Variants in RPS6KA2 observed in about 807,000 individuals in gnomAD.
RPS6KA2 encodes ribosomal protein S6 kinase A2, also known as ribosomal protein S6 kinase alpha-2.
RPS6KA2 carries 42 observed loss-of-function variants against 91.8 expected under a neutral mutation model. That is an observed-to-expected ratio of 0.46 (90% CI 0.36 to 0.59). The LOEUF is 0.59. RPS6KA2 is among the 20% of genes least tolerant of loss of function. The probability of loss-of-function intolerance (pLI) is 0.00; values close to 1 mark genes in which losing one functional copy is unlikely to be tolerated. For synonymous variants in RPS6KA2, 414 were observed against 393.6 expected (o/e 1.05, Z -0.61); for missense variants, 798 against 978.5 (o/e 0.82, Z 2.46).
intron 2 of RPS6KA2, among the ~76,000 whole-genome samples, chr6:166,797,010 T>C (rs947402124): frequency 2.0e-5 from 3 of 152,260 alleles, no homozygotes; most frequent in Non-Finnish European, 4.4e-5. Flanking sequence ...TCCAGGGCAT[T>C]TGAGAGCAGT....
At position 166,726,909 on chromosome 6, in the gene RPS6KA2, T is replaced by G. The variant is rs1031077609; in HGVS notation, c.123+131291A>C. On this transcript the variant is annotated intron_variant, in intron 2 of 21. Transcript: ENST00000503859. The surrounding 1 kb of genome is among the most constrained non-coding windows in gnomAD (Gnocchi z 4.4). ...ATCTACCGTCCTGGGTGCTGTCTCCTCCACCACGTAAGCCAAACCTGATTT... is the reference window on the plus strand; with the variant it reads ...ATCTACCGTCCTGGGTGCTGTCTCCGCCACCACGTAAGCCAAACCTGATTT... 3.9e-5 allele frequency among the ~76,000 whole-genome samples: 6 copies of G among 152,176 alleles called. No individual in the cohort carries two copies. The highest frequency in any genetic ancestry group is 1.4e-4 in the African/African-American group (6 of 41,432).
chr6:166,743,839 C>T (rs2128593828), intron 2 of RPS6KA2, among the ~76,000 whole-genome samples: 1 of 152,158 alleles, frequency 6.6e-6, no homozygotes, highest in Middle Eastern at 3.4e-3. Flanking sequence ...GCACGGCAGA[C>T]AGGGCTTTGG....
At chr6:166,672,780 CTG>C (rs1225214132) in intron 2 of RPS6KA2, among the ~76,000 whole-genome samples, 3 of 152,232 alleles carry the variant, frequency 2.0e-5, no homozygotes, top group Non-Finnish European at 4.4e-5. Context: ...CCTGCTGCTT[CTG>C]TGTGTAGTGG....
intron 1 of RPS6KA2, among the ~76,000 whole-genome samples, chr6:166,571,002 G>C (rs1784668952): frequency 6.6e-6 from 1 of 152,180 alleles, no homozygotes; most frequent in South Asian, 2.1e-4. Context: ...GAATAGCATA[G>C]GAATTCTGGG....
chr6:166,732,497 C>T lies in RPS6KA2; in HGVS notation c.123+125703G>A, dbSNP rs1163107924. On this transcript the variant is annotated intron_variant, in intron 2 of 21. Transcript: ENST00000503859. The surrounding 1 kb of genome is among the most constrained non-coding windows in gnomAD (Gnocchi z 4.0). ...CTACAAACATCCTGGGACAGTGAACCGGGAATCACTGAACCTTATCACATG... is the reference window on the plus strand; with the variant it reads ...CTACAAACATCCTGGGACAGTGAACTGGGAATCACTGAACCTTATCACATG... Among the ~76,000 whole-genome samples the T allele has an allele frequency of 2.0e-5, 3 of 152,142 alleles. No homozygotes were observed. Among genetic ancestry groups the T allele is most frequent in the Admixed American group, 6.5e-5 (1 of 15,280 alleles).
At chr6:166,447,863 G>T (rs1475297590) in intron 14 of RPS6KA2, among the ~76,000 whole-genome samples, 2 of 152,216 alleles carry the variant, frequency 1.3e-5, no homozygotes, top group Non-Finnish European at 2.9e-5. Flanking sequence ...CTGGGACCTC[G>T]CTCTGCGACA....
chr6:166,812,583 G>T (rs771864878), intron 2 of RPS6KA2, among the ~76,000 whole-genome samples: 3 of 152,160 alleles, frequency 2.0e-5, no homozygotes, highest in Non-Finnish European at 4.4e-5. Context: ...TCCACATGGG[G>T]TCTGTGTTGG....
chr6:166,806,629 A>G (rs1779499781), intron 2 of RPS6KA2, among the ~76,000 whole-genome samples: 1 of 152,242 alleles, frequency 6.6e-6, no homozygotes, highest in Non-Finnish European at 1.5e-5. Context: ...AAGAAATGTT[A>G]AAGGGAGTCC....
At chr6:166,645,223 T>C (rs1185942778) in intron 2 of RPS6KA2, among the ~76,000 whole-genome samples, 2 of 152,206 alleles carry the variant, frequency 1.3e-5, no homozygotes, top group African/African-American at 2.4e-5. Flanking sequence ...ACAAGATGCA[T>C]AATAGCATCT....
chr6:166,705,170 C>A (rs113982053), intron 2 of RPS6KA2, among the ~76,000 whole-genome samples: 86 of 152,352 alleles, frequency 5.6e-4, no homozygotes, highest in African/African-American at 1.9e-3. Context: ...CATGTCAATA[C>A]CTCTTGCAGG....
At position 166,612,259 on chromosome 6, in the gene RPS6KA2, G is replaced by A. The variant is rs544724123; in HGVS notation, c.99+14662C>T. On this transcript the variant is annotated intron_variant, in intron 1 of 20. Coordinates refer to ENST00000265678, the MANE Select transcript of RPS6KA2 (RefSeq NM_021135.6). This position sits in a 1 kb window ranked among gnomAD's most constrained non-coding sequence, Gnocchi z 4.3. Reference sequence around the variant, plus strand: ...GCTCAGGGGAGTCAAGCCCCTTGACGAGGTGTGTGATGTGGGCAGGTGTGA... The same window carrying A: ...GCTCAGGGGAGTCAAGCCCCTTGACAAGGTGTGTGATGTGGGCAGGTGTGA... Among the ~76,000 whole-genome samples, 5 of 152,238 alleles carry A rather than the reference G, an allele frequency of 3.3e-5. No individual in the cohort carries two copies. The South Asian group carries it at 1.0e-3, about 32-fold the overall frequency.
intron 1 of RPS6KA2, among the ~76,000 whole-genome samples, chr6:166,614,439 T>A (rs897157962): frequency 2.6e-5 from 4 of 152,194 alleles, no homozygotes; most frequent in Non-Finnish European, 5.9e-5. Flanking sequence ...GTGTTCACCT[T>A]CTGTGACCAG....
intron 2 of RPS6KA2, among the ~76,000 whole-genome samples, chr6:166,808,352 A>G (rs1391250889): frequency 6.6e-6 from 1 of 152,114 alleles, no homozygotes; most frequent in Non-Finnish European, 1.5e-5. Flanking sequence ...TCTCCAAGAA[A>G]TCTCCAGCAT....
chr6:166,532,929 T>TA (rs1425886563), intron 2 of RPS6KA2, among the ~76,000 whole-genome samples: 1 of 151,990 alleles, frequency 6.6e-6, no homozygotes, highest in Non-Finnish European at 1.5e-5. Context: ...GCATCACCCT[T>TA]ACGCACACTG....
chr6:166,838,782 C>T (rs1394747879), intron 2 of RPS6KA2, among the ~76,000 whole-genome samples: 4 of 137,692 alleles, frequency 2.9e-5, no homozygotes. Context: ...GTGATAAGCC[C>T]CAGGACCTGT....
At chr6:166,855,935 A>G (rs1313659810) in intron 2 of RPS6KA2, among the ~76,000 whole-genome samples, 1 of 152,252 alleles carries the variant, frequency 6.6e-6, no homozygotes, top group Non-Finnish European at 1.5e-5. Flanking sequence ...AGGAAACAGT[A>G]ATAATTTCCT....
Position 166,839,121 on chromosome 6 carries a change from C to T in RPS6KA2, c.123+19079G>A, listed in dbSNP as rs1583169264. Among the ~76,000 whole-genome samples the T allele has an allele frequency of 2.0e-5, 3 of 152,314 alleles. No individual in the cohort carries two copies. In the East Asian group the frequency reaches 5.8e-4, roughly 29 times the overall value. ...TAGACAACCAGTGTGTGTTGTTTTA[C>T]ACCACAACGTTTGTGGTGATTAGTT... is the stretch of plus-strand genomic sequence containing the variant. On this transcript the variant is annotated intron_variant, in intron 2 of 21. Coordinates refer to the RPS6KA2 transcript ENST00000503859.
In RPS6KA2 at chr6:166,421,715, A is replaced by G. The variant is rs570624523; in HGVS notation, c.1743+1541T>C. 2.8e-4 allele frequency among the ~76,000 whole-genome samples: 43 copies of G among 152,212 alleles called. 1 individual carries two copies. The highest frequency in any genetic ancestry group is 3.4e-3 in the Middle Eastern group (1 of 294). On this transcript the variant is annotated intron_variant, in intron 17 of 20. Coordinates refer to ENST00000265678, the MANE Select transcript of RPS6KA2 (RefSeq NM_021135.6). Reference sequence around the variant, plus strand: ...TCTGGGCATCTCGCATGCATAAATGAGAAGATGTGTGTTAATAAACTTCTT... The same window carrying G: ...TCTGGGCATCTCGCATGCATAAATGGGAAGATGTGTGTTAATAAACTTCTT...
At chr6:166,699,313 A>T (rs559618935) in intron 2 of RPS6KA2, among the ~76,000 whole-genome samples, 1 of 152,326 alleles carries the variant, frequency 6.6e-6, no homozygotes, top group South Asian at 2.1e-4. Flanking sequence ...GAGCCATCAG[A>T]TCCTAGTTAA....
Sources: gnomAD v4.1 joint callset for allele counts (sites outside exome capture counted in the v4.1 genomes callset) on GRCh38, gnomAD v4.1.1 for gene constraint, Gnocchi (gnomAD v3.1) non-coding constraint, MANE v1.5 for transcripts, NCBI Gene and HGNC (gene_info 2026-07-23, HGNC 2026-07-21) for gene names.